The following TBC1D1 variants were observed in gnomAD, a reference collection of about 807,000 sequenced individuals.
TBC1D1 encodes TBC1 (tre-2/USP6, BUB2, cdc16) domain family, member 1.
In TBC1D1, 89 loss-of-function variants were observed where a neutral mutation model predicts 125.6. The observed-to-expected ratio is 0.71, with a 90% CI of 0.60 to 0.85. TBC1D1 has a LOEUF of 0.85. Among genes scored for constraint, TBC1D1 ranks in the 40% least tolerant of loss-of-function variants. The pLI, the probability that TBC1D1 is intolerant of heterozygous loss-of-function variation, is 0.00. For synonymous variants in TBC1D1, 565 were observed against 564.1 expected, an observed-to-expected ratio of 1.00 and a Z score of -0.02; for missense variants, 1,377 against 1,469.2, an observed-to-expected ratio of 0.94 and a Z score of 1.03.
intron 12 of TBC1D1, among the ~76,000 whole-genome samples, chr4:38,067,385 A>ATG (rs1253772445): frequency 3.9e-5 from 6 of 152,174 alleles, no homozygotes; most frequent in Admixed American, 2.0e-4. Flanking sequence ...TAAGTTATGG[A>ATG]TGTACACAGC....
At chr4:37,969,774 C>T (rs1731703163) in intron 2 of TBC1D1, among the ~76,000 whole-genome samples, 1 of 152,224 alleles carries the variant, frequency 6.6e-6, no homozygotes, top group Admixed American at 6.5e-5. Context: ...CATTCTGTAA[C>T]ATTTTGGTAT....
intron 2 of TBC1D1, among the ~76,000 whole-genome samples, chr4:37,933,973 C>T (rs1022543144): frequency 7.2e-5 from 11 of 152,162 alleles, no homozygotes; most frequent in African/African-American, 2.7e-4. Context: ...ATCCAGGCAG[C>T]CTGTTGTTGC....
At position 38,137,337 on chromosome 4, in the gene TBC1D1, A is replaced by G. The variant is rs1766821084; in HGVS notation, c.*2A>G. ...CAGCCCGAGCCCACGGGCGACTGAC[A>G]GCTCTGCAGGAGAGATTGCAACACC... On this transcript the variant is annotated 3_prime_UTR_variant, in exon 20 of 20. Coordinates refer to ENST00000261439, the MANE Select transcript of TBC1D1 (RefSeq NM_015173.4). The G allele has an allele frequency of 6.2e-7, 1 of 1,607,230 alleles. No individual in the cohort carries two copies. Among genetic ancestry groups the G allele is most frequent in the Non-Finnish European group, 8.5e-7 (1 of 1,177,056 alleles).
intron 19 of TBC1D1, among the ~76,000 whole-genome samples, chr4:38,136,457 C>T (rs755332953): frequency 1.9e-4 from 29 of 152,130 alleles, no homozygotes; most frequent in Admixed American, 1.3e-4. Flanking sequence ...TGTTTCTTGA[C>T]GTAGTGATGT....
chr4:38,132,997 T>C (rs1367769063), intron 18 of TBC1D1, 87 bp from the exon 21 acceptor site: 12 of 1,162,920 alleles, frequency 1.0e-5, no homozygotes, highest in Non-Finnish European at 1.4e-5. Flanking sequence ...GCTTCACAGG[T>C]GCGCATTGTC....
chr4:38,072,458 T>G (rs997014047), intron 12 of TBC1D1, among the ~76,000 whole-genome samples: 1 of 152,212 alleles, frequency 6.6e-6, no homozygotes, highest in African/African-American at 2.4e-5. Flanking sequence ...AAAATGAAAC[T>G]CAGTGCTGGT....
rs756071182 is a variant in TBC1D1, at chr4:38,115,932, G to A, written c.2780G>A (p.Arg927Gln). The change falls in exon 16 of 20, where the codon CGG (arginine) becomes CAG (glutamine). Residue 927 changes from arginine to glutamine, a missense_variant. Transcript: ENST00000261439. ...GACATGGGGCTGCGGAAACAGTATC[G>A]GCCAGACATGATTATTTTACAGGTA... 14 of 1,614,104 alleles carry A rather than the reference G, an allele frequency of 8.7e-6. No homozygotes were observed. The highest frequency in any genetic ancestry group is 2.2e-5 in the East Asian group (1 of 44,880).
chr4:38,081,179 C>G (rs1322670607), intron 12 of TBC1D1, among the ~76,000 whole-genome samples: 9 of 152,078 alleles, frequency 5.9e-5, no homozygotes. Context: ...CCCTGAGACG[C>G]TCCAGGCTCC....
intron 16 of TBC1D1, among the ~76,000 whole-genome samples, chr4:38,116,680 A>G (rs570312046): frequency 6.6e-6 from 1 of 152,332 alleles, no homozygotes; most frequent in Admixed American, 6.5e-5. Flanking sequence ...GTCAGAGAAA[A>G]CCAAACACAG....
chr4:37,975,616 T>C (rs571419843), intron 2 of TBC1D1, among the ~76,000 whole-genome samples: 2 of 152,330 alleles, frequency 1.3e-5, no homozygotes, highest in South Asian at 4.1e-4. Context: ...TCCCAGATGC[T>C]GGTGTTACCG....
intron 10 of TBC1D1, among the ~76,000 whole-genome samples, chr4:38,048,737 A>C (rs1238697313): frequency 6.6e-6 from 1 of 152,052 alleles, no homozygotes; most frequent in Non-Finnish European, 1.5e-5. Context: ...CCTCTTTTTG[A>C]ATATTTTGAA....
In TBC1D1 at chr4:38,053,205, T is replaced by C. The variant is rs201007789; in HGVS notation, c.1911-994T>C. 1.0e-4 allele frequency: 152 copies of C among 1,520,786 alleles called. No individual in the cohort carries two copies. Among genetic ancestry groups the C allele is most frequent in the Non-Finnish European group, 1.3e-4 (146 of 1,136,280 alleles). 94.2% of individuals were successfully genotyped at this position (1,520,786 alleles called of 1,614,324 possible). On this transcript the variant is annotated intron_variant, in intron 11 of 19. Coordinates refer to ENST00000261439, the MANE Select transcript of TBC1D1 (RefSeq NM_015173.4). ...CTCCTGTAGATGAAAATAACACCTC[T>C]GATTTTATGAACACAAAAAGGTAGG...
chr4:38,054,176 A>T, intron 11 of TBC1D1, 23 bp from the exon 14 acceptor site: 1 of 1,611,220 alleles, frequency 6.2e-7, no homozygotes. Flanking sequence ...ACTAGTCATA[A>T]ATCAATCATC....
chr4:37,992,502 T>G (rs933140384), intron 2 of TBC1D1, among the ~76,000 whole-genome samples: 17 of 150,708 alleles, frequency 1.1e-4, no homozygotes, highest in African/African-American at 3.9e-4. Context: ...TGTTTTTTTT[T>G]TTTTTTTTTT....
chr4:37,984,094 T>C (rs913860467), intron 2 of TBC1D1, among the ~76,000 whole-genome samples: 5 of 152,276 alleles, frequency 3.3e-5, no homozygotes, highest in African/African-American at 1.2e-4. Flanking sequence ...TTTTTTAAAA[T>C]GGCTTGATCA....
intron 16 of TBC1D1, among the ~76,000 whole-genome samples, chr4:38,116,442 C>A (rs1762996018): frequency 6.6e-6 from 1 of 152,234 alleles, no homozygotes; most frequent in African/African-American, 2.4e-5. Context: ...CCACCTTGGG[C>A]ACACTGCGTC....
intron 18 of TBC1D1, among the ~76,000 whole-genome samples, chr4:38,128,686 C>T (rs1269390239): frequency 6.6e-6 from 1 of 152,180 alleles, no homozygotes; most frequent in East Asian, 1.9e-4. Flanking sequence ...TCAATGTGGA[C>T]AGGCTGAAAG....
intron 12 of TBC1D1, among the ~76,000 whole-genome samples, chr4:38,069,719 T>A (rs1250953465): frequency 6.6e-6 from 1 of 152,108 alleles, no homozygotes; most frequent in African/African-American, 2.4e-5. Flanking sequence ...TCTTCCAGGT[T>A]TCGAGAGGGA....
rs143318665 is a variant in TBC1D1 at position 38,014,724 on chromosome 4, C to T, written c.633C>T (p.Ser211=). 327 of 1,607,754 alleles carry T rather than the reference C, an allele frequency of 2.0e-4. 1 individual carries two copies. In the African/African-American group the frequency reaches 2.3e-3, roughly 11 times the overall value. Residue 211 remains serine, a synonymous_variant, in exon 3 of 20, where the codon AGC becomes AGT. Transcript: ENST00000261439. The surrounding 1 kb of genome is among the most constrained non-coding windows in gnomAD (Gnocchi z 5.1). ...TCAGCGGCAGCCGGGGGTCCGAGAG[C>T]CCCCGCCCCAACCCGCCCCATGCCG... is the stretch of plus-strand genomic sequence containing the variant.
Sources: allele counts gnomAD v4.1 joint callset (sites outside exome capture counted in the v4.1 genomes callset), GRCh38; gene constraint gnomAD v4.1.1; non-coding constraint Gnocchi (gnomAD v3.1); transcripts MANE v1.5; gene names NCBI Gene and HGNC (gene_info 2026-07-23, HGNC 2026-07-21).